The following FAM193A variants were observed in gnomAD, a reference collection of about 807,000 sequenced individuals.
FAM193A encodes the protein protein FAM193A.
A neutral mutation model predicts 126.5 loss-of-function variants in FAM193A; 22 were observed. The ratio of observed to expected loss-of-function variants is 0.17; its 90% CI spans 0.12 to 0.25. The LOEUF is 0.25. FAM193A is among the 10% of genes least tolerant of loss of function. The pLI is 1.00. For synonymous variants in FAM193A, 761 were observed against 646.8 expected (o/e 1.18, Z -2.68); for missense variants, 1,675 against 1,672.8 (o/e 1.00, Z -0.02).
intron 13 of FAM193A, among the ~76,000 whole-genome samples, chr4:2,684,645 G>A (rs1316610746): frequency 2.0e-5 from 3 of 152,146 alleles, no homozygotes; most frequent in Admixed American, 6.5e-5. Flanking sequence ...CTGCTGATGC[G>A]AGAGCTGCCT....
chr4:2,538,771 G>C (rs1028064799), intron 1 of FAM193A, among the ~76,000 whole-genome samples: 1 of 152,006 alleles, frequency 6.6e-6, no homozygotes, highest in Admixed American at 6.6e-5. Flanking sequence ...CATTTCTATT[G>C]ATTCAATAAA....
At chr4:2,689,072 C>T (rs961769196) in intron 13 of FAM193A, among the ~76,000 whole-genome samples, 1 of 152,214 alleles carries the variant, frequency 6.6e-6, no homozygotes, top group African/African-American at 2.4e-5. Flanking sequence ...CTGTACCTTG[C>T]CTGGGTATAA....
Position 2,657,838 on chromosome 4 carries a change from A to G in FAM193A, c.1347A>G (p.Glu449=), listed in dbSNP as rs138142563. 96 of 1,613,050 alleles carry G rather than the reference A, an allele frequency of 6.0e-5. No individual in the cohort carries two copies. In the African/African-American group the frequency reaches 1.0e-3, roughly 18 times the overall value. ...AAACCAAGCAGCGCATGTTAACAGA[A>G]GACTGGGAGCTTTTTAAACAAAGAA... The part of the protein sequence containing the change: ...TMKTKQRMLT[E]DWELFKQRRF... The change falls in exon 8 of 21, where the codon GAA becomes GAG. Residue 449 remains glutamate (E), a synonymous_variant. Transcript: ENST00000637812.
intron 7 of FAM193A, among the ~76,000 whole-genome samples, chr4:2,651,409 TC>T (rs1422509598): frequency 6.6e-6 from 1 of 152,152 alleles, no homozygotes; most frequent in Non-Finnish European, 1.5e-5. Flanking sequence ...GATTCACAGT[TC>T]CGCATGGCTG....
intron 1 of FAM193A, among the ~76,000 whole-genome samples, chr4:2,584,792 G>T (rs910783298): frequency 6.6e-6 from 1 of 152,074 alleles, no homozygotes; most frequent in Non-Finnish European, 1.5e-5. Context: ...GGGCGTGGTG[G>T]TGTGTGCCTG....
At position 2,693,797 on chromosome 4, in the gene FAM193A, C is replaced by T. The variant is rs1158830280; in HGVS notation, c.3015C>T (p.Asp1005=). 3.1e-6 allele frequency: 5 copies of T among 1,614,240 alleles called. No individual in the cohort carries two copies. In the South Asian group the frequency reaches 5.5e-5, roughly 18 times the overall value. Residue 1005 remains aspartate, a synonymous_variant, in exon 16 of 21, where the codon GAC becomes GAT. Transcript: ENST00000637812. ...KTATTTPGFV[D]TRKSFCPAPL... ...CAACCACAACTCCTGGGTTTGTGGACACACGCAAGAGTTTCTGTCCTGCAC... is the reference window on the plus strand; with the variant it reads ...CAACCACAACTCCTGGGTTTGTGGATACACGCAAGAGTTTCTGTCCTGCAC...
Position 2,708,091 on chromosome 4 carries a change from A to G in FAM193A, c.4372+7547A>G, listed in dbSNP as rs1431727736. The stretch of plus-strand genomic sequence containing the variant: ...TTGGATAGTGCTGCCCTAACTGGTT[A>G]TTTATTTGTGTATGAAAGCTATTGA... On this transcript the variant is annotated intron_variant, in intron 19 of 20. Transcript: ENST00000637812. The G allele has an allele frequency of 9.2e-6, 4 of 436,524 alleles. No individual in the cohort carries two copies. The East Asian group carries it at 3.2e-4, about 34-fold the overall frequency. 27.0% of individuals were successfully genotyped at this position (436,524 alleles called of 1,614,324 possible).
At chr4:2,676,716 G>A (rs1219639610) in intron 13 of FAM193A, among the ~76,000 whole-genome samples, 1 of 152,192 alleles carries the variant, frequency 6.6e-6, no homozygotes, top group Non-Finnish European at 1.5e-5. Flanking sequence ...GCCGAGGCAG[G>A]CGGATCACGA....
chr4:2,596,369 C>A, intron 2 of FAM193A, 40 bp downstream of exon 2: 1 of 687,968 alleles, frequency 1.5e-6, no homozygotes, highest in Non-Finnish European at 2.7e-6. Context: ...GGCGTTGGCT[C>A]CCCCCGCCCA....
chr4:2,662,944 CACAG>C lies in FAM193A; in HGVS notation c.1853_1856del (p.His618ProfsTer3). 6.2e-7 allele frequency: 1 copy of C among 1,613,580 alleles called. No homozygotes were observed. The highest frequency in any genetic ancestry group is 8.5e-7 in the Non-Finnish European group (1 of 1,179,572). On this transcript the variant is annotated frameshift_variant, in exon 11 of 21. Transcript: ENST00000637812. LOFTEE classifies it high-confidence loss of function. ...GGTGGTGGCCAACATGAATGGAATC[CACAG>C]CGAATTGAATGGTGGCGGGGAAAAC...
intron 5 of FAM193A, among the ~76,000 whole-genome samples, chr4:2,633,426 G>C (rs1743797528): frequency 6.6e-6 from 1 of 151,702 alleles, no homozygotes; most frequent in South Asian, 2.1e-4. Context: ...AAATAAAAAA[G>C]AAATAATTTC....
intron 1 of FAM193A, among the ~76,000 whole-genome samples, chr4:2,570,993 A>G (rs1006281433): frequency 1.3e-5 from 2 of 152,068 alleles, no homozygotes; most frequent in African/African-American, 4.8e-5. Context: ...AGTTTCGCTT[A>G]CGGAGTGGGT....
At chr4:2,608,917 G>A (rs1023656256) in intron 2 of FAM193A, among the ~76,000 whole-genome samples, 21 of 146,172 alleles carry the variant, frequency 1.4e-4, no homozygotes, top group African/African-American at 4.9e-4. Flanking sequence ...TTGAGACAGA[G>A]TCTCACTCTG....
rs1279867716 is a variant in FAM193A at position 2,537,076 on chromosome 4, G to C, written c.161G>C (p.Ser54Thr). ...SQAAGLAAPG[S>T]AAGLVGGAAA... ...GCCGCGGGCCTGGCGGCCCCGGGCA[G>C]CGCGGCAGGCCTGGTGGGCGGCGCG... The change falls in exon 1 of 21, where the codon AGC becomes ACC. Residue 54 changes from serine to threonine, a missense_variant. Coordinates refer to ENST00000637812, the MANE Select transcript of FAM193A (RefSeq NM_001366318.2). 1 of 146,368 alleles carries C rather than the reference G, an allele frequency of 6.8e-6. No individual in the cohort carries two copies. Among genetic ancestry groups the C allele is most frequent in the South Asian group, 1.8e-4 (1 of 5,504 alleles). The allele number at this position is 146,368 out of a possible 1,614,324, so 9.1% of individuals were successfully genotyped here. A position where few individuals can be genotyped will look rare whatever the true frequency, so the allele number is the denominator to read the frequency against.
In FAM193A at chr4:2,626,352, A is replaced by G. The variant is rs1412804082; in HGVS notation, c.636-58A>G. ...GGAGGTCCTCTGAGGACAGTGTGCT[A>G]GGTGAGGAAGGGCAGCAGATTGTGG... On this transcript the variant is annotated intron_variant, in intron 3 of 20. Transcript: ENST00000637812. The G allele has an allele frequency of 7.4e-6, 5 of 677,814 alleles. No individual in the cohort carries two copies. In the Admixed American group the frequency reaches 1.0e-4, roughly 14 times the overall value. 42.0% of individuals were successfully genotyped at this position (677,814 alleles called of 1,614,324 possible). A position where few individuals can be genotyped will look rare whatever the true frequency, so the allele number is the denominator to read the frequency against.
chr4:2,591,826 G>T (rs1288030767), intron 1 of FAM193A, among the ~76,000 whole-genome samples: 3 of 152,136 alleles, frequency 2.0e-5, no homozygotes, highest in African/African-American at 7.2e-5. Flanking sequence ...ACAGGCCACA[G>T]TCACTGGGTG....
chr4:2,700,809 A>C (rs930707137), intron 19 of FAM193A, among the ~76,000 whole-genome samples: 1 of 61,282 alleles, frequency 1.6e-5, no homozygotes, highest in Non-Finnish European at 3.9e-5. Context: ...AAAAATAACA[A>C]AAAAAAATTA....
intron 19 of FAM193A, among the ~76,000 whole-genome samples, chr4:2,711,301 T>C (rs970617361): frequency 6.6e-6 from 1 of 152,130 alleles, no homozygotes; most frequent in African/African-American, 2.4e-5. Context: ...CAATATCCCA[T>C]GGAATCTGAT....
chr4:2,732,099 G>C lies in FAM193A; in HGVS notation c.*231G>C, dbSNP rs1042866780. The stretch of plus-strand genomic sequence containing the variant: ...ATTGTAGCTCTGTGCTGTCGGATTG[G>C]AACAGTAGTTCCCGCCAAGTCCTCC... On this transcript the variant is annotated 3_prime_UTR_variant, in exon 21 of 21. Coordinates refer to ENST00000637812, the MANE Select transcript of FAM193A (RefSeq NM_001366318.2). 5 of 556,354 alleles carry C rather than the reference G, an allele frequency of 9.0e-6. No individual in the cohort carries two copies. The African/African-American group carries it at 9.5e-5, about 11-fold the overall frequency. 34.5% of individuals were successfully genotyped at this position (556,354 alleles called of 1,614,324 possible).
Sources: gnomAD v4.1 joint callset for allele counts (sites outside exome capture counted in the v4.1 genomes callset) on GRCh38, gnomAD v4.1.1 for gene constraint, MANE v1.5 for transcripts, NCBI Gene and HGNC (gene_info 2026-07-23, HGNC 2026-07-21) for gene names.